ERC1: variants seen among roughly 807,000 people sequenced by gnomAD.
ERC1 encodes ELKS/RAB6-interacting/CAST family member 1.
In ERC1, 56 loss-of-function variants were observed where a neutral mutation model predicts 132.0. That is an observed-to-expected ratio of 0.42 (90% CI 0.34 to 0.53). The LOEUF (loss-of-function observed/expected upper bound fraction) is 0.53. ERC1 is among the 20% of genes least tolerant of loss of function. The pLI is 0.03. For synonymous variants in ERC1, 478 were observed against 476.1 expected (o/e 1.00, Z -0.05); for missense variants, 1,202 against 1,349.9 (o/e 0.89, Z 1.72).
chr12:1,275,919 T>C (rs1423729294), intron 14 of ERC1, among the ~76,000 whole-genome samples: 1 of 152,218 alleles, frequency 6.6e-6, no homozygotes, highest in Non-Finnish European at 1.5e-5. Context: ...TTACTGACAC[T>C]TACTGATTAC....
chr12:1,393,342 C>T (rs547109348), intron 16 of ERC1, among the ~76,000 whole-genome samples: 1 of 152,174 alleles, frequency 6.6e-6, no homozygotes, highest in South Asian at 2.1e-4. Context: ...CGAGCCTGAG[C>T]AACGTGGGGA....
chr12:1,179,824 C>T (rs1397703872), intron 8 of ERC1, among the ~76,000 whole-genome samples: 1 of 149,376 alleles, frequency 6.7e-6, no homozygotes, highest in African/African-American at 2.4e-5. Context: ...TCTTCATATC[C>T]ATAGTGTCTG....
intron 7 of ERC1, among the ~76,000 whole-genome samples, chr12:1,129,743 A>G (rs780312192): frequency 6.6e-6 from 1 of 152,180 alleles, no homozygotes; most frequent in Non-Finnish European, 1.5e-5. Flanking sequence ...TTTTACTTTC[A>G]GATTAATACA....
At position 1,487,418 on chromosome 12, in the gene ERC1, A is replaced by C. The variant is rs1181824253; in HGVS notation, c.3214-2675A>C. On this transcript the variant is annotated intron_variant, in intron 18 of 18. Transcript: ENST00000360905. ...TTTTTTTTGCCTGTTTTAAGATGGA[A>C]TCTCAGCTGGGTGTGGTGGCTCACA... Among the ~76,000 whole-genome samples, 5 of 119,742 alleles carry C rather than the reference A, an allele frequency of 4.2e-5. No individual in the cohort carries two copies. The Admixed American group carries it at 5.8e-4, about 14-fold the overall frequency. 78.6% of individuals were successfully genotyped at this position (119,742 alleles called of 152,430 possible).
chr12:1,137,403 C>G (rs1949365205), intron 7 of ERC1, among the ~76,000 whole-genome samples: 1 of 151,740 alleles, frequency 6.6e-6, no homozygotes, highest in African/African-American at 2.4e-5. Flanking sequence ...GGCCATAGTC[C>G]TTCTACTTAC....
chr12:1,410,497 T>A, intron 17 of ERC1: 2 of 940,184 alleles, frequency 2.1e-6, no homozygotes, highest in Non-Finnish European at 3.0e-6. Flanking sequence ...TTTTTGTTTG[T>A]TTTCATTTTT....
intron 18 of ERC1, among the ~76,000 whole-genome samples, chr12:1,482,447 GT>G (rs375313406): frequency 4.0e-5 from 6 of 151,684 alleles, no homozygotes; most frequent in African/African-American, 1.5e-4. Flanking sequence ...TTTTGTTTGT[GT>G]TTTTTTTGTT....
At chr12:1,216,964 T>C (rs1214051956) in intron 12 of ERC1, among the ~76,000 whole-genome samples, 1 of 152,158 alleles carries the variant, frequency 6.6e-6, no homozygotes, top group Non-Finnish European at 1.5e-5. Flanking sequence ...ACTATGAACA[T>C]TTTACTTAGA....
chr12:1,260,933 C>T (rs1287320113), intron 13 of ERC1, among the ~76,000 whole-genome samples: 2 of 152,110 alleles, frequency 1.3e-5, no homozygotes, highest in African/African-American at 4.8e-5. Flanking sequence ...CAGGCTTTGT[C>T]ATTAATTCCA....
intron 15 of ERC1, among the ~76,000 whole-genome samples, chr12:1,306,601 TTA>T (rs2080902261): frequency 6.6e-6 from 1 of 152,212 alleles, no homozygotes; most frequent in Non-Finnish European, 1.5e-5. Flanking sequence ...AATGAAATTG[TTA>T]TGTTATTAAG....
intron 16 of ERC1, among the ~76,000 whole-genome samples, chr12:1,375,825 C>T (rs1255592151): frequency 1.3e-5 from 2 of 150,914 alleles, no homozygotes; most frequent in African/African-American, 4.9e-5. Context: ...GCAACCTCCA[C>T]CTCCTAGGTT....
At chr12:1,398,943 TTTTTTTTTTTTTTTTTTG>T (rs1362414424) in intron 16 of ERC1, among the ~76,000 whole-genome samples, 16 of 92,022 alleles carry the variant, frequency 1.7e-4, no homozygotes, top group African/African-American at 9.0e-4. Context: ...TTTTTTTTTT[TTTTTTTTTTTTTTTTTTG>T]TTGAAACAAG....
At chr12:1,401,181 G>C (rs749844181) in intron 16 of ERC1, among the ~76,000 whole-genome samples, 7 of 151,802 alleles carry the variant, frequency 4.6e-5, no homozygotes, top group Non-Finnish European at 8.8e-5. Flanking sequence ...TGATCCGCCC[G>C]TCTCAGCCTT....
intron 2 of ERC1, among the ~76,000 whole-genome samples, chr12:1,031,003 CAT>C (rs1967929188): frequency 6.6e-6 from 1 of 152,162 alleles, no homozygotes; most frequent in African/African-American, 2.4e-5. Context: ...CATTAAGCAA[CAT>C]ATGACTGTAA....
At chr12:1,406,365 ATG>A (rs2091490813) in intron 16 of ERC1, among the ~76,000 whole-genome samples, 1 of 152,228 alleles carries the variant, frequency 6.6e-6, no homozygotes, top group African/African-American at 2.4e-5. Context: ...AGAAACTAAA[ATG>A]TGTTAAAAAT....
intron 13 of ERC1, among the ~76,000 whole-genome samples, chr12:1,243,063 T>C (rs1005232812): frequency 6.6e-6 from 1 of 151,424 alleles, no homozygotes; most frequent in African/African-American, 2.4e-5. Flanking sequence ...GGCGGGCGCC[T>C]GTAGTCCCAG....
At chr12:1,393,941 G>A (rs184046180) in intron 16 of ERC1, among the ~76,000 whole-genome samples, 62 of 147,488 alleles carry the variant, frequency 4.2e-4, no homozygotes, top group African/African-American at 1.3e-3. Context: ...GCGTGAACCC[G>A]GGAGGCGGAG....
chr12:1,027,953 G>A lies in ERC1; in HGVS notation c.50G>A (p.Ser17Asn), dbSNP rs761056838. The part of the protein sequence containing the change: ...SVGKVEPSSQ[S>N]PGRSPRLPRS... ...GGGAAGGTGGAGCCGAGCAGCCAGA[G>A]CCCTGGGCGTTCACCCAGGCTTCCA... Residue 17 changes from serine to asparagine, a missense_variant, in exon 2 of 19, where the codon AGC (serine) becomes AAC (asparagine). Coordinates refer to ENST00000360905, the MANE Select transcript of ERC1 (RefSeq NM_178040.4). The A allele has an allele frequency of 1.2e-6, 2 of 1,613,750 alleles. No homozygotes were observed. The highest frequency in any genetic ancestry group is 1.1e-5 in the South Asian group (1 of 91,052).
intron 17 of ERC1, among the ~76,000 whole-genome samples, chr12:1,436,037 T>G (rs1356555376): frequency 6.6e-6 from 1 of 152,182 alleles, no homozygotes; most frequent in Non-Finnish European, 1.5e-5. Context: ...CACTCAGCAG[T>G]AGACTTATAT....
Sources: allele counts gnomAD v4.1 joint callset (sites outside exome capture counted in the v4.1 genomes callset), GRCh38; gene constraint gnomAD v4.1.1; transcripts MANE v1.5; gene names NCBI Gene and HGNC (gene_info 2026-07-23, HGNC 2026-07-21).